Variants in SP110 observed in about 807,000 individuals in gnomAD.
SP110 encodes the protein interferon-induced protein 41, 30kD.
A neutral mutation model predicts 92.7 loss-of-function variants in SP110; 62 were observed. The ratio of observed to expected loss-of-function variants is 0.67; its 90% CI spans 0.55 to 0.83. The LOEUF (loss-of-function observed/expected upper bound fraction) is 0.83. Among genes scored for constraint, SP110 ranks in the 40% least tolerant of loss-of-function variants. The pLI, the probability that SP110 is intolerant of heterozygous loss-of-function variation, is 0.00. For synonymous variants in SP110, 273 were observed against 305.3 expected (o/e 0.89, Z 1.10); for missense variants, 793 against 863.9 (o/e 0.92, Z 1.03).
At chr2:230,185,372 A>G (rs922131313) in intron 11 of SP110, among the ~76,000 whole-genome samples, 1 of 152,210 alleles carries the variant, frequency 6.6e-6, no homozygotes, top group Non-Finnish European at 1.5e-5. Context: ...AAGCTACCAC[A>G]GCATGTTTGA....
At chr2:230,209,728 AC>A (rs1207219496) in intron 7 of SP110, among the ~76,000 whole-genome samples, 1 of 152,112 alleles carries the variant, frequency 6.6e-6, no homozygotes, top group East Asian at 1.9e-4. Context: ...ATATTTCAAT[AC>A]CCCCAAATGC....
intron 6 of SP110, among the ~76,000 whole-genome samples, chr2:230,210,712 A>G (rs1057031102): frequency 1.3e-5 from 2 of 152,256 alleles, no homozygotes; most frequent in African/African-American, 4.8e-5. Flanking sequence ...ATAAAGGCTC[A>G]TCTCACATGA....
chr2:230,204,846 G>A (rs1574695713), intron 8 of SP110, among the ~76,000 whole-genome samples: 1 of 152,144 alleles, frequency 6.6e-6, no homozygotes, highest in East Asian at 1.9e-4. Flanking sequence ...AACATTTATG[G>A]GGAGTAGTGT....
At chr2:230,177,481 T>C in intron 14 of SP110, 57 bp downstream of exon 14, 3 of 1,560,756 alleles carry the variant, frequency 1.9e-6, no homozygotes, top group Non-Finnish European at 2.7e-6. Flanking sequence ...CTCTTAAAGC[T>C]CCACTTCTCC....
chr2:230,203,895 A>C (rs974180748), intron 8 of SP110, among the ~76,000 whole-genome samples: 1 of 152,118 alleles, frequency 6.6e-6, no homozygotes, highest in African/African-American at 2.4e-5. Context: ...TACAAGATAA[A>C]AGAGTCCTGG....
At chr2:230,225,318 TC>T (rs1270994250) in intron 1 of SP110, among the ~76,000 whole-genome samples, 1 of 152,154 alleles carries the variant, frequency 6.6e-6, no homozygotes, top group African/African-American at 2.4e-5. Context: ...TAAGAGCATC[TC>T]CCCCACTTTC....
At chr2:230,169,313 GTGTTTT>G (rs2078371458) in intron 18 of SP110, 76 bp from the exon 19 acceptor site, 2 of 938,810 alleles carry the variant, frequency 2.1e-6, no homozygotes, top group Non-Finnish European at 3.5e-6. Flanking sequence ...ACTTTTTTTT[GTGTTTT>G]TGTTTTTGAG....
rs185927427 is a variant in SP110 at position 230,219,136 on chromosome 2, A to G, written c.-2+738T>C. On this transcript the variant is annotated intron_variant, in intron 1 of 18. Transcript: ENST00000258381. ...GTTACTCAGGAGGCTGAGGCAGGAG[A>G]ATCGCTTGAACCTGGGAGGTGGAGG... Among the ~76,000 whole-genome samples the G allele has an allele frequency of 1.2e-4, 19 of 152,292 alleles. No homozygotes were observed. The East Asian group carries it at 3.7e-3, about 29-fold the overall frequency.
chr2:230,218,708 G>A (rs1393395679), intron 1 of SP110, among the ~76,000 whole-genome samples: 3 of 152,210 alleles, frequency 2.0e-5, no homozygotes, highest in Non-Finnish European at 4.4e-5. Flanking sequence ...TGGCAAAGCA[G>A]AGCTTGTCTG....
rs200472692 is a variant in SP110 at position 230,215,074 on chromosome 2, C to A, written c.192G>T (p.Val64=). ...CCAGTTGGGTGAGAATGTTGTGCACCACTCTGGATACAGGGATCAAATTTC... is the reference window on the plus strand; with the variant it reads ...CCAGTTGGGTGAGAATGTTGTGCACAACTCTGGATACAGGGATCAAATTTC... ...ACRNLIPVSR[V]VHNILTQLER... is the part of the protein sequence containing the mutation. Residue 64 remains valine (V), a synonymous_variant, in exon 3 of 19, where the codon GTG becomes GTT. Transcript: ENST00000258381. 3 of 1,613,894 alleles carry A rather than the reference C, an allele frequency of 1.9e-6. No individual in the cohort carries two copies. Among genetic ancestry groups the A allele is most frequent in the Non-Finnish European group, 2.5e-6 (3 of 1,179,806 alleles).
intron 14 of SP110, 102 bp downstream of exon 14, chr2:230,177,436 C>T (rs1574604576): frequency 8.3e-7 from 1 of 1,210,626 alleles, no homozygotes; most frequent in Non-Finnish European, 1.2e-6. Context: ...ATAAATCATG[C>T]TGTTGAATCC....
chr2:230,188,471 C>A (rs1025646840), intron 10 of SP110, among the ~76,000 whole-genome samples: 1 of 151,996 alleles, frequency 6.6e-6, no homozygotes, highest in Non-Finnish European at 1.5e-5. Flanking sequence ...ATTTGGATGT[C>A]ATTTATTTCT....
chr2:230,202,440 CTT>C, intron 9 of SP110, 137 bp downstream of exon 9: 1 of 766,470 alleles, frequency 1.3e-6, no homozygotes. Flanking sequence ...CTTTGTTCCT[CTT>C]GTTATACCCC....
intron 2 of SP110, among the ~76,000 whole-genome samples, 171 bp downstream of exon 2, chr2:230,216,610 T>G (rs2045205261): frequency 6.6e-6 from 1 of 152,212 alleles, no homozygotes; most frequent in African/African-American, 2.4e-5. Context: ...GAAACCAACA[T>G]AGCCCCTATG....
In SP110 at chr2:230,171,707, T is replaced by A; in HGVS notation, c.1876A>T (p.Ile626Phe). 1 of 1,612,752 alleles carries A rather than the reference T, an allele frequency of 6.2e-7. No homozygotes were observed. Among genetic ancestry groups the A allele is most frequent in the Admixed American group, 1.7e-5 (1 of 60,030 alleles). The change falls in exon 17 of 19, where the codon ATC becomes TTC. Residue 626 changes from isoleucine to phenylalanine, a missense_variant. Coordinates refer to ENST00000258381, the MANE Select transcript of SP110 (RefSeq NM_080424.4). ...AAAATGTGACTTACATTAAATGGGA[T>A]GCCCGTAAAAAAGGAGCTTTGTGGA... is the stretch of plus-strand genomic sequence containing the variant. ...CHPQSSFFTG[I>F]PFNIRDYGEP...
intron 7 of SP110, among the ~76,000 whole-genome samples, chr2:230,208,887 T>C (rs1217365333): frequency 3.3e-5 from 5 of 152,062 alleles, no homozygotes; most frequent in Admixed American, 3.3e-4. Context: ...TGGCAATAGA[T>C]TACTGAAATG....
chr2:230,175,675 G>A (rs1257857424), intron 14 of SP110, among the ~76,000 whole-genome samples: 1 of 152,198 alleles, frequency 6.6e-6, no homozygotes, highest in Non-Finnish European at 1.5e-5. Context: ...GAGTGGAGCT[G>A]ATGTGTCTGG....
intron 12 of SP110, among the ~76,000 whole-genome samples, chr2:230,182,226 TGG>T (rs58077076): frequency 0.79 from 120,402 of 151,892 alleles, 47,819 homozygotes; most frequent in Admixed American, 0.84. Context: ...AAACACCACA[TGG>T]GTTCTCACTT....
At position 230,211,226 on chromosome 2, in the gene SP110, G is replaced by A. The variant is rs748581183; in HGVS notation, c.751+244C>T. Among the ~76,000 whole-genome samples the A allele has an allele frequency of 1.3e-5, 2 of 152,044 alleles. No individual in the cohort carries two copies. The highest frequency in any genetic ancestry group is 2.9e-5 in the Non-Finnish European group (2 of 68,000). On this transcript the variant is annotated intron_variant, in intron 6 of 18. Transcript: ENST00000258381. This position sits in a 1 kb window ranked among gnomAD's most constrained non-coding sequence, Gnocchi z 4.2. The stretch of plus-strand genomic sequence containing the variant: ...GGTGGGGCTCTGTCCATCATCATCC[G>A]TGGCCCTATCCAAGTCTACCTTTTC...
Sources: allele counts gnomAD v4.1 joint callset (sites outside exome capture counted in the v4.1 genomes callset), GRCh38; gene constraint gnomAD v4.1.1; non-coding constraint Gnocchi (gnomAD v3.1); transcripts MANE v1.5; gene names NCBI Gene and HGNC (gene_info 2026-07-23, HGNC 2026-07-21).